The following MS4A14 variants were observed in gnomAD, a reference collection of about 807,000 sequenced individuals.
MS4A14 encodes membrane-spanning 4-domains subfamily A member 14.
MS4A14 carries 18 observed loss-of-function variants against 16.7 expected under a neutral mutation model. The ratio of observed to expected loss-of-function variants is 1.08; its 90% confidence interval spans 0.75 to 1.60. The LOEUF (loss-of-function observed/expected upper bound fraction) is 1.60. MS4A14 is among the 40% of genes most tolerant of loss of function. The probability of loss-of-function intolerance (pLI) is 0.00; values close to 1 mark genes in which losing one functional copy is unlikely to be tolerated. For missense variants in MS4A14, 812 were observed against 775.3 expected, an observed-to-expected ratio of 1.05 and a Z score of -0.56; for synonymous variants, 305 against 289.4, an observed-to-expected ratio of 1.05 and a Z score of -0.55.
chr11:60,399,197 G>T (rs1316314847), intron 2 of MS4A14, among the ~76,000 whole-genome samples: 1 of 152,188 alleles, frequency 6.6e-6, no homozygotes, highest in African/African-American at 2.4e-5. Flanking sequence ...CCAAATATTT[G>T]TTCCTACACT....
In MS4A14 at chr11:60,396,508, G is replaced by T; in HGVS notation, c.-71G>T. ...CTGAGGGCTCCATGTGACTCTGGTG[G>T]AGAGGTAGATCATGATTTGGGCGGC... On this transcript the variant is annotated 5_prime_UTR_variant, in exon 1 of 5. Transcript: ENST00000300187. 6.4e-7 allele frequency: 1 copy of T among 1,556,310 alleles called. No homozygotes were observed. The highest frequency in any genetic ancestry group is 1.4e-5 in the African/African-American group (1 of 73,792).
chr11:60,405,902 T>C, intron 4 of MS4A14: 1 of 1,534,926 alleles, frequency 6.5e-7, no homozygotes, highest in South Asian at 1.2e-5. Context: ...ATTTTGTTAA[T>C]CTTACTGATC....
chr11:60,410,996 C>A (rs1417723438), intron 4 of MS4A14, among the ~76,000 whole-genome samples: 1 of 152,100 alleles, frequency 6.6e-6, no homozygotes, highest in Non-Finnish European at 1.5e-5. Context: ...TAGGCGCATG[C>A]CACCATGCCA....
chr11:60,417,143 G>A lies in MS4A14; in HGVS notation c.*135G>A, dbSNP rs903278825. ...ATACCAAGAAGTCCAAACCCAGCAC[G>A]CAACAGCCCAACATAACCTAGAATG... On this transcript the variant is annotated 3_prime_UTR_variant, in exon 5 of 5. Coordinates refer to ENST00000300187, the MANE Select transcript of MS4A14 (RefSeq NM_032597.5). 39 of 1,061,536 alleles carry A rather than the reference G, an allele frequency of 3.7e-5. No individual in the cohort carries two copies. Among genetic ancestry groups the A allele is most frequent in the Admixed American group, 2.7e-4 (9 of 33,052 alleles). The allele number at this position is 1,061,536 out of a possible 1,614,324, so 65.8% of individuals were successfully genotyped here. A position where few individuals can be genotyped will look rare whatever the true frequency, so the allele number is the denominator to read the frequency against.
intron 4 of MS4A14, among the ~76,000 whole-genome samples, chr11:60,411,036 A>C (rs1295193060): frequency 6.6e-6 from 1 of 151,944 alleles, no homozygotes; most frequent in Non-Finnish European, 1.5e-5. Flanking sequence ...AGTAGAGACG[A>C]GGTTTCACCA....
At chr11:60,411,524 C>T (rs73481215) in intron 4 of MS4A14, among the ~76,000 whole-genome samples, 3,398 of 152,174 alleles carry the variant, frequency 0.022, 143 homozygotes, top group African/African-American at 0.078. Context: ...TTTTAGGTGG[C>T]ATTATAAATG....
At position 60,416,348 on chromosome 11, in the gene MS4A14, T is replaced by C; in HGVS notation, c.1380T>C (p.Ile460=). The change falls in exon 5 of 5, where the codon ATT becomes ATC. Residue 460 remains isoleucine (I), a synonymous_variant. Coordinates refer to ENST00000300187, the MANE Select transcript of MS4A14 (RefSeq NM_032597.5). The stretch of plus-strand genomic sequence containing the variant: ...TTTTACAAATGTCATATCAAGATAT[T>C]AGATCAGAAGTTATGGAAGAGACCA... The part of the protein sequence containing the change: ...QQILQMSYQD[I]RSEVMEETKE... The C allele has an allele frequency of 1.2e-6, 2 of 1,613,948 alleles. No homozygotes were observed. Among genetic ancestry groups the C allele is most frequent in the Non-Finnish European group, 8.5e-7 (1 of 1,179,932 alleles).
At chr11:60,401,533 A>G (rs2085713304) in intron 3 of MS4A14, among the ~76,000 whole-genome samples, 1 of 152,260 alleles carries the variant, frequency 6.6e-6, no homozygotes, top group African/African-American at 2.4e-5. Context: ...TGAACCAGGC[A>G]TCAGAAGACC....
At position 60,405,767 on chromosome 11, in the gene MS4A14, C is replaced by A. The variant is rs540820749; in HGVS notation, c.468+2706C>A. ...AAAATTGTGCAGTGTCTGATGGCTA[C>A]AGAACCATCCAAAATATGGGTTTCC... is the stretch of plus-strand genomic sequence containing the variant. On this transcript the variant is annotated intron_variant, in intron 4 of 4. Coordinates refer to ENST00000300187, the MANE Select transcript of MS4A14 (RefSeq NM_032597.5). The A allele has an allele frequency of 1.0e-4, 70 of 680,952 alleles. No homozygotes were observed. The South Asian group carries it at 1.1e-3, about 10-fold the overall frequency. The allele number at this position is 680,952 out of a possible 1,614,324, so 42.2% of individuals were successfully genotyped here.
Position 60,416,973 on chromosome 11 carries a change from G to A in MS4A14, c.2005G>A (p.Val669Ile), listed in dbSNP as rs1455096591. The A allele has an allele frequency of 9.3e-6, 15 of 1,612,718 alleles. No homozygotes were observed. The highest frequency in any genetic ancestry group is 2.5e-6 in the Non-Finnish European group (3 of 1,179,382). ...TCTCCAGGCTGGACAACCCAGGACTGTCAATCTTTTGGCCAAGAATCCCCT... is the reference window on the plus strand; with the variant it reads ...TCTCCAGGCTGGACAACCCAGGACTATCAATCTTTTGGCCAAGAATCCCCT... ...GNLQAGQPRT[V>I]NLLAKNPLTG The change falls in exon 5 of 5, where the codon GTC (valine) becomes ATC (isoleucine). Residue 669 changes from valine (V) to isoleucine (I), a missense_variant. Transcript: ENST00000300187.
chr11:60,397,733 AGAG>A (rs2085647854), intron 1 of MS4A14, 116 bp from the exon 2 acceptor site: 1 of 872,024 alleles, frequency 1.1e-6, no homozygotes, highest in Non-Finnish European at 1.8e-6. Flanking sequence ...GACAAATGAG[AGAG>A]GAAGGCATTT....
At position 60,416,874 on chromosome 11, in the gene MS4A14, G is replaced by A. The variant is rs776749896; in HGVS notation, c.1906G>A (p.Val636Met). ...AGGACAGCAAGCTCAGGTGGAGAAA[G>A]TGCCAAAACTGTTATGCCAAGATTC... Reference protein sequence around the residue: ...AEGQQAQVEKVPKLLCQDSES... With the variant: ...AEGQQAQVEKMPKLLCQDSES... Residue 636 changes from valine to methionine, a missense_variant, in exon 5 of 5, where the codon GTG becomes ATG. Transcript: ENST00000300187. The A allele has an allele frequency of 1.2e-6, 2 of 1,613,730 alleles. No individual in the cohort carries two copies. Among genetic ancestry groups the A allele is most frequent in the Non-Finnish European group, 1.7e-6 (2 of 1,179,804 alleles).
In MS4A14 at chr11:60,414,821, T is replaced by C. The variant is rs116115213; in HGVS notation, c.469-616T>C. Among the ~76,000 whole-genome samples, 1,181 of 152,236 alleles carry C rather than the reference T, an allele frequency of 7.8e-3. 14 individuals are homozygous for C. The highest frequency in any genetic ancestry group is 0.025 in the African/African-American group (1,025 of 41,556). On this transcript the variant is annotated intron_variant, in intron 4 of 4. Coordinates refer to ENST00000300187, the MANE Select transcript of MS4A14 (RefSeq NM_032597.5). ...TTCTACCTGGATTCTGACTCCTGTCTTATTTCATCTTACCGTCTATGCCTG... is the reference window on the plus strand; with the variant it reads ...TTCTACCTGGATTCTGACTCCTGTCCTATTTCATCTTACCGTCTATGCCTG...
chr11:60,417,046 A>C lies in MS4A14; in HGVS notation c.*38A>C. 1 of 1,571,464 alleles carries C rather than the reference A, an allele frequency of 6.4e-7. No individual in the cohort carries two copies. Among genetic ancestry groups the C allele is most frequent in the Non-Finnish European group, 8.6e-7 (1 of 1,162,426 alleles). On this transcript the variant is annotated 3_prime_UTR_variant, in exon 5 of 5. Transcript: ENST00000300187. ...GAAACAAAGATTATAAAGCACGAGAATGGCAATTTGAAATGAAGCACTGGC... is the reference window on the plus strand; with the variant it reads ...GAAACAAAGATTATAAAGCACGAGACTGGCAATTTGAAATGAAGCACTGGC...
At chr11:60,404,355 T>C (rs1417302663) in intron 4 of MS4A14, among the ~76,000 whole-genome samples, 1 of 152,210 alleles carries the variant, frequency 6.6e-6, no homozygotes, top group Non-Finnish European at 1.5e-5. Flanking sequence ...TTTAGATGTC[T>C]CTTGGGCTGA....
At chr11:60,408,975 G>A (rs906068883) in intron 4 of MS4A14, among the ~76,000 whole-genome samples, 1 of 151,852 alleles carries the variant, frequency 6.6e-6, no homozygotes, top group Non-Finnish European at 1.5e-5. Context: ...ACCAACAGGG[G>A]AAAAGGGGGA....
chr11:60,404,722 C>T (rs1372954514), intron 4 of MS4A14: 2 of 403,004 alleles, frequency 5.0e-6, no homozygotes, highest in African/African-American at 4.1e-5. Flanking sequence ...AATACCACTT[C>T]TTTAAGGAAG....
At chr11:60,398,389 A>G (rs1003577862) in intron 2 of MS4A14, among the ~76,000 whole-genome samples, 7 of 152,236 alleles carry the variant, frequency 4.6e-5, no homozygotes, top group African/African-American at 1.7e-4. Context: ...AATTATTATC[A>G]CTCATCCTCC....
intron 4 of MS4A14, chr11:60,404,455 T>A (rs1394021383): frequency 6.9e-6 from 3 of 437,484 alleles, no homozygotes; most frequent in Non-Finnish European, 9.1e-6. Context: ...AATGGCTTCC[T>A]GTAAAACGTA....
Sources: allele counts gnomAD v4.1 joint callset (sites outside exome capture counted in the v4.1 genomes callset), GRCh38; gene constraint gnomAD v4.1.1; transcripts MANE v1.5; gene names NCBI Gene and HGNC (gene_info 2026-07-23, HGNC 2026-07-21).